OVCH2: variants seen among roughly 807,000 people sequenced by gnomAD.
The protein encoded by OVCH2 is ovochymase 2.
Under a neutral mutation model 73.7 loss-of-function variants are expected in OVCH2, and 88 were observed. That is an observed-to-expected ratio of 1.19 (90% CI 1.01 to 1.43). The LOEUF (loss-of-function observed/expected upper bound fraction) is 1.43. Ranked by LOEUF, OVCH2 falls within the 40% of genes most tolerant of loss-of-function variation. OVCH2 has a pLI of 0.00. For missense variants in OVCH2, 706 were observed against 674.5 expected (o/e 1.05, Z -0.52); for synonymous variants, 265 against 234.5 (o/e 1.13, Z -1.19).
chr11:7,681,853 CAAAAAAAA>C, the OVCH2 span, among the ~76,000 whole-genome samples: 15 of 92,992 alleles, frequency 1.6e-4, no homozygotes, highest in South Asian at 4.2e-3. Context: ...GGGAAATGTC[CAAAAAAAA>C]AAAAAAAAAA....
intron 2 of OVCH2, among the ~76,000 whole-genome samples, 172 bp from the exon 3 acceptor site, chr11:7,703,961 G>T (rs563091205): frequency 6.6e-6 from 1 of 152,322 alleles, no homozygotes; most frequent in East Asian, 1.9e-4. Flanking sequence ...GAAGAGTGGT[G>T]CTGGCAACCC....
At chr11:7,695,459 G>C (rs1856311449) in intron 11 of OVCH2, 111 bp downstream of exon 11, 1 of 1,116,146 alleles carries the variant, frequency 9.0e-7, no homozygotes, top group Non-Finnish European at 1.3e-6. Flanking sequence ...TCTCCCATGT[G>C]GAGTCAGTTG....
chr11:7,696,567 C>G lies in OVCH2; in HGVS notation c.1039G>C (p.Val347Leu). The change falls in exon 10 of 16, where the codon GTA (valine) becomes CTA (leucine). Residue 347 changes from valine (V) to leucine (L), a missense_variant. Coordinates refer to ENST00000533663, the MANE Select transcript of OVCH2 (RefSeq NM_198185.7). ...AGCAACACATGCATTTCCTCTGGTA[C>G]CAGCAGGGTCCAGACACACCGTCTG... ...SKQRCVWTLL[V>L]PEEMHVLLSF... 6.2e-7 allele frequency: 1 copy of G among 1,613,998 alleles called. No individual in the cohort carries two copies. Among genetic ancestry groups the G allele is most frequent in the Non-Finnish European group, 8.5e-7 (1 of 1,179,890 alleles).
intron 15 of OVCH2, 79 bp from the exon 16 acceptor site, chr11:7,689,681 C>A: frequency 1.7e-6 from 1 of 589,512 alleles, no homozygotes; most frequent in Non-Finnish European, 3.2e-6. Context: ...CTCTCTGCTT[C>A]CAATTTTCTC....
chr11:7,686,595 C>T (rs79298146), downstream of OVCH2, among the ~76,000 whole-genome samples: 2 of 152,128 alleles, frequency 1.3e-5, no homozygotes, highest in Non-Finnish European at 2.9e-5. Context: ...TTCTCATTCT[C>T]ACAAATTAAT....
chr11:7,681,545 C>T, the OVCH2 span, among the ~76,000 whole-genome samples: 3 of 152,174 alleles, frequency 2.0e-5, no homozygotes, highest in African/African-American at 7.2e-5. Flanking sequence ...GGTCCTATTC[C>T]TGTAGAACCT....
downstream of OVCH2, among the ~76,000 whole-genome samples, chr11:7,687,154 T>C (rs1354095257): frequency 6.6e-6 from 1 of 151,952 alleles, no homozygotes; most frequent in Non-Finnish European, 1.5e-5. Flanking sequence ...AAGAATATAT[T>C]TTCAGGGGAT....
intron 10 of OVCH2, 85 bp downstream of exon 10, chr11:7,696,380 G>T: frequency 6.5e-7 from 1 of 1,539,294 alleles, no homozygotes; most frequent in Non-Finnish European, 8.9e-7. Context: ...ATTTACAGAT[G>T]GCTGAGTGCC....
In OVCH2 at chr11:7,694,915, A is replaced by G. The variant is rs193298737; in HGVS notation, c.1413+143T>C. The G allele has an allele frequency of 1.1e-3, 993 of 922,978 alleles. 6 individuals carry two copies. The highest frequency in any genetic ancestry group is 9.0e-3 in the South Asian group (477 of 53,208). The allele number at this position is 922,978 out of a possible 1,614,324, so 57.2% of individuals were successfully genotyped here. A position where few individuals can be genotyped will look rare whatever the true frequency, so the allele number is the denominator to read the frequency against. On this transcript the variant is annotated intron_variant, in intron 12 of 15. Transcript: ENST00000533663. ...TCCATTATTCAGCAAGTATTTATTG[A>G]CAGCTTTGTGTGTCAGGTGCTGGGT...
At chr11:7,685,166 A>G (rs1352999720), downstream of OVCH2, among the ~76,000 whole-genome samples, 1 of 152,120 alleles carries the variant, frequency 6.6e-6, no homozygotes, top group Admixed American at 6.5e-5. Context: ...GGGCACACAG[A>G]GAAGTCGAGT....
chr11:7,705,528 T>C (rs1349378184), intron 1 of OVCH2: 1 of 152,174 alleles, frequency 6.6e-6, no homozygotes, highest in African/African-American at 2.4e-5. Flanking sequence ...CAAAGCTCTT[T>C]CATACAGCTT....
intron 2 of OVCH2, 74 bp from the exon 3 acceptor site, chr11:7,703,863 T>A: frequency 8.5e-7 from 1 of 1,171,706 alleles, no homozygotes; most frequent in Middle Eastern, 2.0e-4. Flanking sequence ...TGAAGCCTAT[T>A]CTCAAAACCA....
chr11:7,699,073 C>A (rs913911220), intron 7 of OVCH2: 2 of 299,884 alleles, frequency 6.7e-6, no homozygotes. Context: ...AATAGTTTGT[C>A]CATAACTATA....
the OVCH2 span, among the ~76,000 whole-genome samples, chr11:7,683,585 G>T: frequency 6.6e-6 from 1 of 152,164 alleles, no homozygotes; most frequent in Middle Eastern, 3.4e-3. Flanking sequence ...AATGATTTCA[G>T]GTCCTGTTAC....
the OVCH2 span, among the ~76,000 whole-genome samples, chr11:7,680,295 G>A: frequency 2.6e-5 from 4 of 152,214 alleles, no homozygotes; most frequent in East Asian, 5.8e-4. Context: ...GTCAGCCAGT[G>A]TCTACTGGAG....
intron 12 of OVCH2, among the ~76,000 whole-genome samples, chr11:7,694,691 C>T (rs1331733853): frequency 6.6e-6 from 1 of 151,892 alleles, no homozygotes; most frequent in East Asian, 1.9e-4. Context: ...GATCTCGGCT[C>T]ATTGCAACCT....
chr11:7,701,559 T>C, intron 5 of OVCH2, 84 bp from the exon 6 acceptor site: 2 of 1,518,500 alleles, frequency 1.3e-6, no homozygotes, highest in Non-Finnish European at 1.8e-6. Context: ...TTTGTGTCGC[T>C]TGGCAAGACT....
At chr11:7,685,319 C>G (rs1271953325), downstream of OVCH2, among the ~76,000 whole-genome samples, 2 of 152,090 alleles carry the variant, frequency 1.3e-5, no homozygotes, top group Admixed American at 1.3e-4. Context: ...GGCTACAGGA[C>G]ATTGGAAGGG....
At chr11:7,705,384 C>G (rs990768343) in intron 1 of OVCH2, 5 of 152,200 alleles carry the variant, frequency 3.3e-5, no homozygotes, top group African/African-American at 1.2e-4. Flanking sequence ...CCTTATTCAC[C>G]TCTGCATTTC....
Sources: allele counts gnomAD v4.1 joint callset (sites outside exome capture counted in the v4.1 genomes callset), GRCh38; gene constraint gnomAD v4.1.1; transcripts MANE v1.5; gene names NCBI Gene and HGNC (gene_info 2026-07-23, HGNC 2026-07-21).